AGAP1: variants seen among roughly 807,000 people sequenced by gnomAD.
The protein encoded by AGAP1 is arf-GAP with GTPase, ANK repeat and PH domain-containing protein 1.
Under a neutral mutation model 105.3 loss-of-function variants are expected in AGAP1, and 29 were observed. The ratio of observed to expected loss-of-function variants is 0.28; its 90% CI spans 0.21 to 0.38. The LOEUF (loss-of-function observed/expected upper bound fraction) is 0.38, where lower values mean the gene tolerates loss of function less well. Among genes scored for constraint, AGAP1 ranks in the 10% least tolerant of loss-of-function variants. The pLI, the probability that AGAP1 is intolerant of heterozygous loss-of-function variation, is 1.00. For missense variants in AGAP1, 998 were observed against 1,165.1 expected (o/e 0.86, Z 2.09); for synonymous variants, 509 against 485.9 (o/e 1.05, Z -0.63).
At chr2:235,897,494 G>A (rs1006712336) in intron 10 of AGAP1, among the ~76,000 whole-genome samples, 1 of 152,114 alleles carries the variant, frequency 6.6e-6, no homozygotes, top group Non-Finnish European at 1.5e-5. Context: ...TAACAGTGTG[G>A]CTGGAGGGTT....
intron 12 of AGAP1, among the ~76,000 whole-genome samples, chr2:235,956,020 C>T (rs2053933069): frequency 1.3e-5 from 2 of 152,212 alleles, no homozygotes; most frequent in South Asian, 4.1e-4. Flanking sequence ...TCAAAGAGGG[C>T]TCCTACATCT....
In AGAP1 at chr2:236,105,889, G is replaced by T. The variant is rs2059476791; in HGVS notation, c.2115-14303G>T. Among the ~76,000 whole-genome samples, 1 of 152,178 alleles carries T rather than the reference G, an allele frequency of 6.6e-6. No homozygotes were observed. ...TGGGATTACAGGCGTGAGCCATCGT[G>T]CCCGGCCCCTCTTGTGCCTCTTCTT... On this transcript the variant is annotated intron_variant, in intron 16 of 17. Transcript: ENST00000304032. This position sits in a 1 kb window ranked among gnomAD's most constrained non-coding sequence, Gnocchi z 4.2.
intron 6 of AGAP1, among the ~76,000 whole-genome samples, chr2:235,771,726 T>C (rs1955464695): frequency 6.6e-6 from 1 of 152,166 alleles, no homozygotes; most frequent in Non-Finnish European, 1.5e-5. Flanking sequence ...CCTCCTTCCT[T>C]CTTCCAACTC....
intron 1 of AGAP1, among the ~76,000 whole-genome samples, chr2:235,643,457 A>AAAG (rs1947269525): frequency 2.1e-5 from 3 of 140,480 alleles, no homozygotes; most frequent in East Asian, 4.2e-4. Flanking sequence ...AAAAAAAAAA[A>AAAG]AAAGAAAGAA....
At chr2:235,544,198 T>G (rs1385263827) in intron 1 of AGAP1, among the ~76,000 whole-genome samples, 1 of 152,218 alleles carries the variant, frequency 6.6e-6, no homozygotes, top group Non-Finnish European at 1.5e-5. Context: ...TGCTCAGATA[T>G]GACTTTCCCT....
chr2:235,966,473 G>C (rs2054403886), intron 12 of AGAP1, among the ~76,000 whole-genome samples: 1 of 152,136 alleles, frequency 6.6e-6, no homozygotes, highest in South Asian at 2.1e-4. Context: ...CCTACCACCA[G>C]GGGACAGTGA....
rs1305679933 is a variant in AGAP1, at chr2:236,061,567, G to A, written c.2114+12286G>A. ...ACAGGTTGTAACGTGGGTGAACCTC[G>A]AAGACATGATGCTAAAGGAAAGGAA... On this transcript the variant is annotated intron_variant, in intron 16 of 17. Transcript: ENST00000304032. The surrounding 1 kb of genome is among the most constrained non-coding windows in gnomAD (Gnocchi z 4.1). Among the ~76,000 whole-genome samples, 1 of 152,100 alleles carries A rather than the reference G, an allele frequency of 6.6e-6. No homozygotes were observed.
Position 235,596,183 on chromosome 2 carries a change from C to G in AGAP1, c.163+101334C>G, listed in dbSNP as rs527525864. ...TAAGTGGCACAGCTATCCATGAACA[C>G]TGTAAACATTCCCAGCTCCATCTAA... On this transcript the variant is annotated intron_variant, in intron 1 of 17. Transcript: ENST00000304032. This position sits in a 1 kb window ranked among gnomAD's most constrained non-coding sequence, Gnocchi z 5.9. Among the ~76,000 whole-genome samples the G allele has an allele frequency of 2.0e-5, 3 of 152,348 alleles. No individual in the cohort carries two copies. The highest frequency in any genetic ancestry group is 6.5e-5 in the Admixed American group (1 of 15,300).
chr2:236,043,988 G>A (rs1286372535), intron 15 of AGAP1, among the ~76,000 whole-genome samples: 2 of 152,146 alleles, frequency 1.3e-5, no homozygotes, highest in Non-Finnish European at 2.9e-5. Flanking sequence ...AGTTCTTGCA[G>A]AGAATGCTCT....
intron 3 of AGAP1, among the ~76,000 whole-genome samples, chr2:235,731,216 C>T (rs556624528): frequency 8.5e-5 from 13 of 152,056 alleles, no homozygotes; most frequent in East Asian, 3.9e-4. Flanking sequence ...GGTGTAGTTG[C>T]GAAAAAGGAG....
At chr2:236,016,638 C>A (rs1465260683) in intron 13 of AGAP1, among the ~76,000 whole-genome samples, 1 of 152,154 alleles carries the variant, frequency 6.6e-6, no homozygotes, top group Non-Finnish European at 1.5e-5. Flanking sequence ...GCAGTGCGAA[C>A]TTCTCAGCCT....
chr2:236,088,809 C>G (rs2058991752), intron 16 of AGAP1, among the ~76,000 whole-genome samples: 1 of 152,210 alleles, frequency 6.6e-6, no homozygotes, highest in African/African-American at 2.4e-5. Flanking sequence ...TATCCTTCTG[C>G]TTCTATTCAC....
rs115673310 is a variant in AGAP1, at chr2:236,074,930, G to C, written c.2114+25649G>C. On this transcript the variant is annotated intron_variant, in intron 16 of 17. Transcript: ENST00000304032. ...ATTAGCCAGGCATGGTTGCACGCGT[G>C]TAGTCCTAGCTACTCAGGAGGCTGA... Among the ~76,000 whole-genome samples the C allele has an allele frequency of 1.7e-3, 258 of 152,276 alleles. 1 individual carries two copies. Among genetic ancestry groups the C allele is most frequent in the African/African-American group, 5.9e-3 (246 of 41,562 alleles).
At chr2:235,746,377 CTTTTTT>C (rs1172393048) in intron 5 of AGAP1, among the ~76,000 whole-genome samples, 2,887 of 55,468 alleles carry the variant, frequency 0.052, 77 homozygotes, top group Non-Finnish European at 0.061. Flanking sequence ...CCTCCCCCAA[CTTTTTT>C]TTTTTTTTTT....
chr2:235,847,676 G>T (rs1430608928), intron 9 of AGAP1, among the ~76,000 whole-genome samples: 1 of 152,184 alleles, frequency 6.6e-6, no homozygotes, highest in Non-Finnish European at 1.5e-5. Flanking sequence ...TTCTATTTCA[G>T]TACCGTCTGT....
At position 235,552,391 on chromosome 2, in the gene AGAP1, G is replaced by A. The variant is rs1426734217; in HGVS notation, c.163+57542G>A. Among the ~76,000 whole-genome samples the A allele has an allele frequency of 6.6e-6, 1 of 152,166 alleles. No homozygotes were observed. The highest frequency in any genetic ancestry group is 1.5e-5 in the Non-Finnish European group (1 of 68,030). ...TAATGCAAGTGGGATTTCATTATGT[G>A]TTTAAGGCTTGGCATTGTTGGAGGT... On this transcript the variant is annotated intron_variant, in intron 1 of 17. Transcript: ENST00000304032. The surrounding 1 kb of genome is among the most constrained non-coding windows in gnomAD (Gnocchi z 5.9).
intron 9 of AGAP1, among the ~76,000 whole-genome samples, chr2:235,825,716 A>G (rs181398267): frequency 2.8e-4 from 42 of 152,372 alleles, no homozygotes; most frequent in African/African-American, 9.4e-4. Context: ...TGGTCAGTAT[A>G]TACAATAAAA....
chr2:235,896,067 T>C (rs1247821444), intron 10 of AGAP1, among the ~76,000 whole-genome samples: 1 of 152,192 alleles, frequency 6.6e-6, no homozygotes, highest in Non-Finnish European at 1.5e-5. Context: ...AACTTTTTCA[T>C]CTTACAAAAC....
chr2:235,544,315 C>T (rs956531083), intron 1 of AGAP1, among the ~76,000 whole-genome samples: 1 of 152,180 alleles, frequency 6.6e-6, no homozygotes, highest in Non-Finnish European at 1.5e-5. Context: ...GCAAGAAACG[C>T]ACCACCTAGG....
Sources: gnomAD v4.1 joint callset for allele counts (sites outside exome capture counted in the v4.1 genomes callset) on GRCh38, gnomAD v4.1.1 for gene constraint, Gnocchi (gnomAD v3.1) non-coding constraint, MANE v1.5 for transcripts, NCBI Gene and HGNC (gene_info 2026-07-23, HGNC 2026-07-21) for gene names.